Variants in SCD5 observed in about 807,000 individuals in gnomAD.
SCD5 encodes the protein acyl-CoA-desaturase 4.
A neutral mutation model predicts 30.4 loss-of-function variants in SCD5; 20 were observed. The observed-to-expected ratio is 0.66, with a 90% CI of 0.46 to 0.96. The LOEUF is 0.96. Among genes scored for constraint, SCD5 ranks in the 40% least tolerant of loss-of-function variants. The pLI, the probability that SCD5 is intolerant of heterozygous loss-of-function variation, is 0.00. For synonymous variants in SCD5, 173 were observed against 176.4 expected, an observed-to-expected ratio of 0.98 and a Z score of 0.16; for missense variants, 381 against 443.3, an observed-to-expected ratio of 0.86 and a Z score of 1.26.
rs762944996 is a variant in SCD5, at chr4:82,705,344, G to A, written c.302C>T (p.Ser101Phe). 5.6e-6 allele frequency: 9 copies of A among 1,614,238 alleles called. No individual in the cohort carries two copies. The highest frequency in any genetic ancestry group is 7.6e-6 in the Non-Finnish European group (9 of 1,180,044). ...CCTCAGAGGCAGCTTGGCCCGGTAG[G>A]ACCTGTGGCTCCACAAGCGATGGGC... ...AGAHRLWSHR[S>F]YRAKLPLRIF... Residue 101 changes from serine to phenylalanine, a missense_variant, in exon 2 of 5, where the codon TCC becomes TTC. By Grantham distance (155) the Ser-to-Phe change is radical. Transcript: ENST00000319540.
chr4:82,766,507 T>C (rs1721489019), intron 1 of SCD5, among the ~76,000 whole-genome samples: 1 of 152,232 alleles, frequency 6.6e-6, no homozygotes, highest in Non-Finnish European at 1.5e-5. Context: ...ACACATAAAA[T>C]ATAATTATCC....
chr4:82,658,706 T>C (rs1265896783), intron 3 of SCD5, among the ~76,000 whole-genome samples: 9 of 150,112 alleles, frequency 6.0e-5, no homozygotes, highest in African/African-American at 2.2e-4. Context: ...ATGGTCTTGA[T>C]CTCCTGATGT....
At chr4:82,732,006 T>C (rs371178519) in intron 1 of SCD5, among the ~76,000 whole-genome samples, 6 of 152,202 alleles carry the variant, frequency 3.9e-5, no homozygotes, top group East Asian at 3.8e-4. Context: ...TAGGGCCCCT[T>C]TCTCTCTTCT....
intron 1 of SCD5, among the ~76,000 whole-genome samples, chr4:82,737,220 G>T (rs573055133): frequency 6.6e-6 from 1 of 152,270 alleles, no homozygotes; most frequent in Admixed American, 6.5e-5. Flanking sequence ...GCATTGCATG[G>T]TTTTGTGTTT....
intron 1 of SCD5, among the ~76,000 whole-genome samples, chr4:82,764,140 C>T (rs1251422447): frequency 1.3e-5 from 2 of 152,194 alleles, no homozygotes; most frequent in Non-Finnish European, 2.9e-5. Context: ...CTGTCCATTA[C>T]ATCACTAGCC....
intron 3 of SCD5, among the ~76,000 whole-genome samples, chr4:82,666,179 G>A (rs1000298313): frequency 3.3e-5 from 5 of 152,112 alleles, no homozygotes; most frequent in East Asian, 1.9e-4. Context: ...TGGGAAAAAA[G>A]AAGAGACACT....
chr4:82,770,085 G>A (rs1308508947), intron 1 of SCD5, among the ~76,000 whole-genome samples: 1 of 152,014 alleles, frequency 6.6e-6, no homozygotes, highest in Non-Finnish European at 1.5e-5. Context: ...TGCACAACGT[G>A]CAGGTTTGTT....
Position 82,705,749 on chromosome 4 carries a change from C to T in SCD5, c.233-336G>A, listed in dbSNP as rs556710025. Reference sequence around the variant, plus strand: ...CAATTCAATTTCACACATACACTCTCGGCAGGGCAGAGATTGAGCTCTACC... The same window carrying T: ...CAATTCAATTTCACACATACACTCTTGGCAGGGCAGAGATTGAGCTCTACC... On this transcript the variant is annotated intron_variant, in intron 1 of 4. Coordinates refer to ENST00000319540, the MANE Select transcript of SCD5 (RefSeq NM_001037582.3). 1.2e-4 allele frequency among the ~76,000 whole-genome samples: 18 copies of T among 152,338 alleles called. No homozygotes were observed. In the East Asian group the frequency reaches 2.1e-3, roughly 18 times the overall value.
intron 1 of SCD5, among the ~76,000 whole-genome samples, chr4:82,718,817 CT>C (rs987317261): frequency 1.6e-4 from 24 of 150,038 alleles, no homozygotes; most frequent in South Asian, 1.1e-3. Flanking sequence ...CCAAGACAGA[CT>C]TTTTTTTTTC....
At chr4:82,686,910 C>A (rs1728720206) in intron 2 of SCD5, among the ~76,000 whole-genome samples, 1 of 152,132 alleles carries the variant, frequency 6.6e-6, no homozygotes, top group African/African-American at 2.4e-5. Context: ...GTGGCTCACA[C>A]CTGTAATCCT....
At chr4:82,687,101 G>A (rs966334779) in intron 2 of SCD5, among the ~76,000 whole-genome samples, 2 of 151,556 alleles carry the variant, frequency 1.3e-5, no homozygotes, top group Non-Finnish European at 2.9e-5. Flanking sequence ...AACCTGGGAG[G>A]CTTAGGTTGC....
intron 1 of SCD5, among the ~76,000 whole-genome samples, chr4:82,732,860 C>T (rs2148836205): frequency 6.6e-6 from 1 of 152,284 alleles, no homozygotes; most frequent in South Asian, 2.1e-4. Context: ...GATCCTCCAC[C>T]TCAGTGGTTC....
chr4:82,787,156 G>A (rs138557031), intron 1 of SCD5, among the ~76,000 whole-genome samples: 2,265 of 152,322 alleles, frequency 0.015, 29 homozygotes, highest in Non-Finnish European at 0.021. Context: ...TCTGAGGCAA[G>A]AGAACAGAAA....
At chr4:82,741,853 C>CGGGGGGGGGAGGGGGGGGGGGGGGGGGG (rs1720878981) in intron 1 of SCD5, among the ~76,000 whole-genome samples, 1 of 45,406 alleles carries the variant, frequency 2.2e-5, no homozygotes, top group African/African-American at 7.3e-5. Flanking sequence ...TCAGAGTGGG[C>CGGGGGGGGGAGGGGGGGGGGGGGGGGGG]GGGGGGGGGG....
intron 3 of SCD5, among the ~76,000 whole-genome samples, chr4:82,672,391 A>G (rs1728345362): frequency 6.6e-6 from 1 of 152,142 alleles, no homozygotes. Context: ...ATGGATATTA[A>G]AAGGATAATA....
chr4:82,779,645 C>T (rs1441658973), intron 1 of SCD5, among the ~76,000 whole-genome samples: 1 of 152,218 alleles, frequency 6.6e-6, no homozygotes, highest in Admixed American at 6.5e-5. Context: ...GGAACCAGAA[C>T]AACCTCATGC....
At chr4:82,755,789 T>A (rs1030277336) in intron 1 of SCD5, among the ~76,000 whole-genome samples, 1 of 152,236 alleles carries the variant, frequency 6.6e-6, no homozygotes, top group Non-Finnish European at 1.5e-5. Context: ...AGCCTTATGA[T>A]GACAAGTCTT....
intron 1 of SCD5, among the ~76,000 whole-genome samples, chr4:82,760,430 T>C (rs982491346): frequency 1.3e-5 from 2 of 152,182 alleles, no homozygotes; most frequent in African/African-American, 4.8e-5. Flanking sequence ...GAAATCTCTC[T>C]CTGTTGCCCA....
rs547315784 is a variant in SCD5, at chr4:82,761,962, C to G, written c.232+36344G>C. On this transcript the variant is annotated intron_variant, in intron 1 of 4. Coordinates refer to ENST00000319540, the MANE Select transcript of SCD5 (RefSeq NM_001037582.3). ...CCAAGGAGGGCAGACTGCTTGAGCT[C>G]AGGAGTTTGAGACTAGCCTGGGCAA... Among the ~76,000 whole-genome samples the G allele has an allele frequency of 2.1e-3, 319 of 152,014 alleles. 4 individuals carry two copies. Among genetic ancestry groups the G allele is most frequent in the African/African-American group, 7.0e-3 (291 of 41,490 alleles).
Sources: gnomAD v4.1 joint callset for allele counts (sites outside exome capture counted in the v4.1 genomes callset) on GRCh38, gnomAD v4.1.1 for gene constraint, MANE v1.5 for transcripts, NCBI Gene and HGNC (gene_info 2026-07-23, HGNC 2026-07-21) for gene names.